The following GGTA1 variants were observed in gnomAD, a reference collection of about 807,000 sequenced individuals.
GGTA1 encodes the protein inactive N-acetyllactosaminide alpha-1,3-galactosyltransferase.
Under a neutral mutation model 2.6 loss-of-function variants are expected in GGTA1, and 5 were observed. That is an observed-to-expected ratio of 1.92 (90% CI 1.00 to 4.04). The LOEUF (loss-of-function observed/expected upper bound fraction) is 4.04, where lower values mean the gene tolerates loss of function less well. GGTA1 is among the 30% of genes most tolerant of loss of function. GGTA1 has a pLI of 0.00. For synonymous variants in GGTA1, 17 were observed against 5.0 expected, an observed-to-expected ratio of 3.38 and a Z score of -3.19; for missense variants, 50 against 16.7, an observed-to-expected ratio of 2.99 and a Z score of -3.47.
intron 1 of GGTA1, among the ~76,000 whole-genome samples, chr9:121,499,082 T>A (rs997871274): frequency 1.4e-4 from 21 of 151,950 alleles, no homozygotes; most frequent in African/African-American, 4.4e-4. Context: ...TGTCGGAAAC[T>A]TTCCCCATGC....
intron 1 of GGTA1, among the ~76,000 whole-genome samples, chr9:121,491,532 C>T (rs1279419275): frequency 6.6e-6 from 1 of 152,202 alleles, no homozygotes; most frequent in Non-Finnish European, 1.5e-5. Context: ...TGGCCACCTC[C>T]CTGGCCAGGA....
intron 1 of GGTA1, among the ~76,000 whole-genome samples, chr9:121,472,443 C>CCATAAAA (rs71771624): frequency 0.023 from 3,561 of 152,132 alleles, 134 homozygotes; most frequent in African/African-American, 0.081. Flanking sequence ...TTACTGATAG[C>CCATAAAA]CATAAAACAG....
intron 1 of GGTA1, among the ~76,000 whole-genome samples, chr9:121,481,411 G>A: frequency 6.6e-6 from 1 of 152,094 alleles, no homozygotes. Context: ...AACTGGCAGG[G>A]GGCGGTGGCT....
At chr9:121,449,492 A>T (rs1201810176) in intron 7 of GGTA1, among the ~76,000 whole-genome samples, 2 of 152,146 alleles carry the variant, frequency 1.3e-5, no homozygotes, top group African/African-American at 2.4e-5. Flanking sequence ...TGGCCATTCT[A>T]GTAGGTATTT....
intron 1 of GGTA1, among the ~76,000 whole-genome samples, chr9:121,491,187 T>C (rs931519477): frequency 6.6e-6 from 1 of 152,134 alleles, no homozygotes; most frequent in Admixed American, 6.5e-5. Context: ...ACCCCACTCC[T>C]AATTTTGAAA....
intron 1 of GGTA1, among the ~76,000 whole-genome samples, chr9:121,490,510 A>G (rs1300148226): frequency 6.6e-6 from 1 of 152,136 alleles, no homozygotes; most frequent in African/African-American, 2.4e-5. Context: ...TGCCCAGTTT[A>G]GCATCAGCAA....
At chr9:121,462,320 G>A (rs1299940100) in intron 3 of GGTA1, among the ~76,000 whole-genome samples, 2 of 148,756 alleles carry the variant, frequency 1.3e-5, no homozygotes, top group Admixed American at 6.7e-5. Context: ...GCAAGACTCC[G>A]TCTCAGAAAA....
At chr9:121,488,517 C>G (rs1450549097) in intron 1 of GGTA1, among the ~76,000 whole-genome samples, 1 of 152,118 alleles carries the variant, frequency 6.6e-6, no homozygotes, top group Non-Finnish European at 1.5e-5. Flanking sequence ...GAGTTCGAGA[C>G]CAGCCTGCCC....
At chr9:121,463,674 T>A (rs903194618) in intron 2 of GGTA1, among the ~76,000 whole-genome samples, 4 of 151,966 alleles carry the variant, frequency 2.6e-5, no homozygotes, top group Non-Finnish European at 4.4e-5. Context: ...CAGGTGTGAG[T>A]CATCACTCCT....
intron 5 of GGTA1, among the ~76,000 whole-genome samples, chr9:121,458,102 G>T (rs920890669): frequency 6.6e-6 from 1 of 151,484 alleles, no homozygotes; most frequent in African/African-American, 2.4e-5. Flanking sequence ...TAGAGACGGG[G>T]TTTCACCATG....
intron 1 of GGTA1, among the ~76,000 whole-genome samples, chr9:121,472,986 A>C (rs915966659): frequency 6.6e-6 from 1 of 152,128 alleles, no homozygotes; most frequent in African/African-American, 2.4e-5. Context: ...CTATGGCTTG[A>C]ATCTGCCTGC....
chr9:121,495,874 C>G lies in GGTA1; in HGVS notation c.-10+3776G>C, dbSNP rs568886473. On this transcript the variant is annotated intron_variant, in intron 1 of 5. Coordinates refer to ENST00000481799, the MANE Select transcript of GGTA1 (RefSeq NM_001382585.1). ...CTTGGACTTGTTGAGTTTGCAGTGC[C>G]TTTGAGACATTCAAAACAAAGATGC... Among the ~76,000 whole-genome samples, 7 of 152,312 alleles carry G rather than the reference C, an allele frequency of 4.6e-5. No homozygotes were observed. The East Asian group carries it at 9.6e-4, about 21-fold the overall frequency.
chr9:121,450,488 T>C (rs2064873410), downstream of GGTA1, among the ~76,000 whole-genome samples: 1 of 152,248 alleles, frequency 6.6e-6, no homozygotes. Flanking sequence ...GATTTATTGC[T>C]GCTGAGTACA....
rs570357184 is a variant in GGTA1, at chr9:121,449,286, G to A, written c.*119-1689C>T. On this transcript the variant is annotated intron_variant and NMD_transcript_variant, in intron 7 of 7. Transcript: ENST00000481534. Reference sequence around the variant, plus strand: ...TGTGCAGGTTTTTTTGTAGACATAAGTTTTTAACTCATTTGGGTGAATACC... The same window carrying A: ...TGTGCAGGTTTTTTTGTAGACATAAATTTTTAACTCATTTGGGTGAATACC... 2.0e-4 allele frequency among the ~76,000 whole-genome samples: 31 copies of A among 152,318 alleles called. 1 individual carries two copies. The South Asian group carries it at 5.8e-3, about 28-fold the overall frequency.
downstream of GGTA1, among the ~76,000 whole-genome samples, chr9:121,454,884 C>T (rs2064898261): frequency 6.6e-6 from 1 of 152,070 alleles, no homozygotes; most frequent in African/African-American, 2.4e-5. Flanking sequence ...CGTGGTGGTG[C>T]ACACCTGTAA....
intron 1 of GGTA1, among the ~76,000 whole-genome samples, chr9:121,492,801 C>G (rs980516808): frequency 7.9e-5 from 12 of 152,080 alleles, no homozygotes; most frequent in Non-Finnish European, 1.0e-4. Context: ...AGCAGGCCCC[C>G]CTGAAGATGA....
intron 7 of GGTA1, chr9:121,447,712 A>C (rs912832750): frequency 1.3e-5 from 2 of 152,144 alleles, no homozygotes; most frequent in South Asian, 4.1e-4. Context: ...GGGATTCCTG[A>C]AAGAAACCAC....
chr9:121,451,269 T>A (rs2118747011), downstream of GGTA1, among the ~76,000 whole-genome samples: 1 of 152,304 alleles, frequency 6.6e-6, no homozygotes, highest in South Asian at 2.1e-4. Context: ...CACTGCAACC[T>A]CCGCCTCCCA....
intron 3 of GGTA1, among the ~76,000 whole-genome samples, chr9:121,461,960 G>C (rs181006631): frequency 1.1e-3 from 164 of 152,330 alleles, no homozygotes; most frequent in African/African-American, 3.8e-3. Context: ...AGAAGTTCAG[G>C]AAACTACTTA....
Sources: gnomAD v4.1 joint callset for allele counts (sites outside exome capture counted in the v4.1 genomes callset) on GRCh38, gnomAD v4.1.1 for gene constraint, MANE v1.5 for transcripts, NCBI Gene and HGNC (gene_info 2026-07-23, HGNC 2026-07-21) for gene names.